Variants in NEK10 observed in about 807,000 individuals in gnomAD.
NEK10 encodes serine/threonine-protein kinase Nek10.
NEK10 carries 122 observed loss-of-function variants against 159.8 expected under a neutral mutation model. The ratio of observed to expected loss-of-function variants is 0.76; its 90% CI spans 0.66 to 0.89. NEK10 has a LOEUF of 0.89. Ranked by LOEUF, NEK10 falls within the 40% of genes least tolerant of loss-of-function variation. The pLI is 0.00. For synonymous variants in NEK10, 466 were observed against 457.1 expected (o/e 1.02, Z -0.25); for missense variants, 1,342 against 1,323.1 (o/e 1.01, Z -0.22).
rs200894563 is a variant in NEK10 at position 27,230,161 on chromosome 3, CAGA to C, written c.2090+26132_2090+26134del. Among the ~76,000 whole-genome samples, 23 of 152,180 alleles carry C rather than the reference CAGA, an allele frequency of 1.5e-4. No individual in the cohort carries two copies. The East Asian group carries it at 4.4e-3, about 29-fold the overall frequency. ...TATAAAGAGAAACCGATCAGACTAA[CAGA>C]AGATTTCTCAGGAGAAACCTTACAA... On this transcript the variant is annotated intron_variant, in intron 23 of 35. Transcript: ENST00000691995.
At position 27,322,456 on chromosome 3, in the gene NEK10, AG is replaced by A. The variant is rs557548788; in HGVS notation, c.363-196del. ...ATTTAAACTATCTTTTTCAGTGTGG[AG>A]GAGAGGCCCCCCCCAAACTTATTTG... is the stretch of plus-strand genomic sequence containing the variant. On this transcript the variant is annotated intron_variant, in intron 5 of 35. Transcript: ENST00000691995. Among the ~76,000 whole-genome samples the A allele has an allele frequency of 4.0e-3, 589 of 147,102 alleles. 3 individuals are homozygous for A. Among genetic ancestry groups the A allele is most frequent in the Non-Finnish European group, 6.9e-3 (445 of 64,812 alleles).
At chr3:27,232,664 A>C (rs1406275129) in intron 23 of NEK10, among the ~76,000 whole-genome samples, 1 of 152,122 alleles carries the variant, frequency 6.6e-6, no homozygotes, top group Non-Finnish European at 1.5e-5. Flanking sequence ...TTCAAATTAT[A>C]CTACAAGGCT....
intron 29 of NEK10, among the ~76,000 whole-genome samples, chr3:27,170,167 A>G (rs1319669510): frequency 6.6e-6 from 1 of 152,178 alleles, no homozygotes; most frequent in Non-Finnish European, 1.5e-5. Context: ...CCTGCCTGCT[A>G]TAGCACATCG....
At chr3:27,215,931 A>G (rs1951481096) in intron 23 of NEK10, 1 of 621,948 alleles carries the variant, frequency 1.6e-6, no homozygotes, top group Admixed American at 2.4e-5. Flanking sequence ...AACAGCACCA[A>G]GGGAGAAATT....
intron 25 of NEK10, among the ~76,000 whole-genome samples, chr3:27,192,744 G>A (rs181757252): frequency 2.0e-4 from 31 of 152,164 alleles, no homozygotes; most frequent in East Asian, 1.2e-3. Context: ...AAAAAGCAAC[G>A]TAAACTAGTT....
At chr3:27,296,492 A>G (rs1484163660) in intron 14 of NEK10, among the ~76,000 whole-genome samples, 1 of 152,166 alleles carries the variant, frequency 6.6e-6, no homozygotes, top group Non-Finnish European at 1.5e-5. Context: ...TAATTTAATC[A>G]TTGATGAGCT....
rs565609176 is a variant in NEK10 at position 27,361,044 on chromosome 3, G to C, written c.-37-8125C>G. On this transcript the variant is annotated intron_variant, in intron 1 of 35. Transcript: ENST00000691995. ...GCTATGATGATGGACACTCCTTTAA[G>C]TGCTGATTTTCATTTTCCTCTGGCT... Among the ~76,000 whole-genome samples the C allele has an allele frequency of 2.0e-5, 3 of 152,300 alleles. No homozygotes were observed. The South Asian group carries it at 6.2e-4, about 32-fold the overall frequency.
At chr3:27,171,105 G>T (rs59446679) in intron 29 of NEK10, among the ~76,000 whole-genome samples, 1 of 152,248 alleles carries the variant, frequency 6.6e-6, no homozygotes, top group African/African-American at 2.4e-5. Flanking sequence ...TCAAGGTTCT[G>T]CTCCCTCTAA....
At chr3:27,270,795 T>C (rs185200671) in intron 22 of NEK10, among the ~76,000 whole-genome samples, 99 of 152,192 alleles carry the variant, frequency 6.5e-4, no homozygotes, top group Non-Finnish European at 9.9e-4. Flanking sequence ...TGATAAATAC[T>C]AAGAATAAAA....
chr3:27,115,923 C>A lies in NEK10; in HGVS notation c.3299+17G>T, dbSNP rs750233111. 1 of 1,591,676 alleles carries A rather than the reference C, an allele frequency of 6.3e-7. No homozygotes were observed. ...TCAATTCATCTTTCACAATTGAAGG[C>A]AAACTCTAGCTCTTACCTGTTAGAT... On this transcript the variant is annotated intron_variant, in intron 35 of 35. Coordinates refer to ENST00000691995, the MANE Select transcript of NEK10 (RefSeq NM_001394966.1).
chr3:27,190,191 G>A (rs1177876726), intron 26 of NEK10, among the ~76,000 whole-genome samples: 1 of 152,136 alleles, frequency 6.6e-6, no homozygotes, highest in African/African-American at 2.4e-5. Context: ...TTACGGATGA[G>A]TATACAACCT....
At chr3:27,306,928 G>GTC (rs374422628) in intron 11 of NEK10, among the ~76,000 whole-genome samples, 5 of 151,588 alleles carry the variant, frequency 3.3e-5, no homozygotes, top group Admixed American at 2.6e-4. Context: ...TTTTTATGTT[G>GTC]TCTCTCTCTC....
intron 23 of NEK10, among the ~76,000 whole-genome samples, chr3:27,212,041 G>C (rs759198593): frequency 3.9e-5 from 6 of 152,124 alleles, no homozygotes; most frequent in Admixed American, 2.0e-4. Context: ...ATCGATTAAA[G>C]ACTAAAAATA....
chr3:27,297,837 G>C (rs751965140), intron 13 of NEK10, among the ~76,000 whole-genome samples: 2 of 152,128 alleles, frequency 1.3e-5, no homozygotes, highest in Non-Finnish European at 2.9e-5. Context: ...GCCTTTGGTG[G>C]TATTTTGCAC....
chr3:27,305,950 C>G (rs765878073), intron 11 of NEK10, among the ~76,000 whole-genome samples: 22 of 152,194 alleles, frequency 1.4e-4, no homozygotes, highest in Non-Finnish European at 3.1e-4. Context: ...ATCATGATCT[C>G]AGCCCAGGCA....
At chr3:27,348,332 C>T (rs1433929276) in intron 3 of NEK10, among the ~76,000 whole-genome samples, 1 of 152,076 alleles carries the variant, frequency 6.6e-6, no homozygotes, top group Non-Finnish European at 1.5e-5. Flanking sequence ...GGAAAGCTGC[C>T]GCAGCTTGCA....
chr3:27,305,108 G>A (rs1006144326), intron 11 of NEK10, 137 bp from the exon 12 acceptor site: 3 of 628,290 alleles, frequency 4.8e-6, no homozygotes, highest in African/African-American at 1.8e-5. Flanking sequence ...GCCATTTTCT[G>A]TAAGGAGCCC....
chr3:27,290,671 A>T lies in NEK10; in HGVS notation c.1689T>A (p.Asp563Glu). The change falls in exon 19 of 36, where the codon GAT becomes GAA. Residue 563 changes from aspartate (D) to glutamate (E), a missense_variant. By Grantham distance (45) the Asp-to-Glu change is conservative. Coordinates refer to ENST00000691995, the MANE Select transcript of NEK10 (RefSeq NM_001394966.1). ...HNPAFGKDKK[D>E]RDSSVRNIVS... ...CAATATTCCTTACGCTGCTGTCTCGATCTTTCTTATCCTTTCCAAATGCTG... is the reference window on the plus strand; with the variant it reads ...CAATATTCCTTACGCTGCTGTCTCGTTCTTTCTTATCCTTTCCAAATGCTG... The T allele has an allele frequency of 6.2e-7, 1 of 1,608,212 alleles. No homozygotes were observed. Among genetic ancestry groups the T allele is most frequent in the South Asian group, 1.1e-5 (1 of 90,692 alleles).
intron 5 of NEK10, among the ~76,000 whole-genome samples, chr3:27,326,959 A>T (rs2046047413): frequency 6.6e-6 from 1 of 152,196 alleles, no homozygotes; most frequent in South Asian, 2.1e-4. Flanking sequence ...ATATACATAC[A>T]TCTGTTTGCC....
Sources: gnomAD v4.1 joint callset for allele counts (sites outside exome capture counted in the v4.1 genomes callset) on GRCh38, gnomAD v4.1.1 for gene constraint, MANE v1.5 for transcripts, NCBI Gene and HGNC (gene_info 2026-07-23, HGNC 2026-07-21) for gene names.